The following SPRY3 variants were observed in gnomAD, a reference collection of about 807,000 sequenced individuals.
SPRY3 encodes protein sprouty homolog 3.
A neutral mutation model predicts 20.2 loss-of-function variants in SPRY3; 15 were observed. The observed-to-expected ratio is 0.74, with a 90% CI of 0.50 to 1.14. The LOEUF is 1.14. Among genes scored for constraint, SPRY3 ranks in the 50% most tolerant of loss-of-function variants. The pLI is 0.00. For missense variants in SPRY3, 364 were observed against 363.9 expected (o/e 1.00, Z 0.00); for synonymous variants, 143 against 136.5 (o/e 1.05, Z -0.33).
At chrX:155,770,553 T>A (rs1459843261) in intron 3 of SPRY3, among the ~76,000 whole-genome samples, 1 of 151,922 alleles carries the variant, frequency 6.6e-6, no homozygotes, top group African/African-American at 2.4e-5. Context: ...GTGACAAAAA[T>A]CACTAGATCC....
chrX:155,712,234 A>G (rs1370530425), intron 2 of SPRY3, among the ~76,000 whole-genome samples: 1 of 151,854 alleles, frequency 6.6e-6, no homozygotes, highest in African/African-American at 2.4e-5. Context: ...TAATTAGTCC[A>G]TGTTTCTTTG....
At chrX:155,636,112 G>A (rs2067922489) in intron 1 of SPRY3, among the ~76,000 whole-genome samples, 1 of 111,583 alleles carries the variant, frequency 9.0e-6, no homozygotes, top group Non-Finnish European at 1.9e-5. Flanking sequence ...CTTTAATCGG[G>A]GACACAATGA....
chrX:155,685,523 CTAGTACCCA>C (rs752593707), intron 2 of SPRY3, among the ~76,000 whole-genome samples: 2 of 97,672 alleles, frequency 2.0e-5, no homozygotes, highest in African/African-American at 3.8e-5. Flanking sequence ...GGTATTAAGC[CTAGTACCCA>C]TGAGTTATTT....
chrX:155,692,378 A>C (rs1036551537), intron 2 of SPRY3, among the ~76,000 whole-genome samples: 1 of 111,463 alleles, frequency 9.0e-6, no homozygotes, highest in Non-Finnish European at 1.9e-5. Flanking sequence ...TGAGTCTATT[A>C]TGTTTCAGTG....
At chrX:155,780,367 C>A, downstream of SPRY3, 1 of 166,874 alleles carries the variant, frequency 6.0e-6, no homozygotes, top group East Asian at 1.9e-4. Flanking sequence ...TGGGGTTGAC[C>A]ATATGTGAAC....
intron 1 of SPRY3, among the ~76,000 whole-genome samples, chrX:155,619,250 T>C (rs2067863644): frequency 9.0e-6 from 1 of 111,304 alleles, no homozygotes; most frequent in African/African-American, 3.3e-5. Context: ...TGCCTATAGA[T>C]GTTCAGTTGC....
At chrX:155,727,307 C>A in intron 2 of SPRY3, among the ~76,000 whole-genome samples, 1 of 152,094 alleles carries the variant, frequency 6.6e-6, no homozygotes. Flanking sequence ...CGAGGAGTAT[C>A]TTTGTGGTGT....
chrX:155,621,759 G>T (rs1282163522), intron 1 of SPRY3, among the ~76,000 whole-genome samples: 3 of 111,586 alleles, frequency 2.7e-5, no homozygotes, highest in Non-Finnish European at 5.7e-5. Context: ...AACTTCTCTA[G>T]TATGACTGAC....
intron 1 of SPRY3, among the ~76,000 whole-genome samples, chrX:155,615,752 G>A (rs782639603): frequency 9.0e-6 from 1 of 111,127 alleles, no homozygotes; most frequent in African/African-American, 3.3e-5. Context: ...TTTGTGTTTC[G>A]GTTTATGAAC....
At chrX:155,736,559 C>T (rs2091171001) in intron 2 of SPRY3, among the ~76,000 whole-genome samples, 3 of 151,906 alleles carry the variant, frequency 2.0e-5, no homozygotes, top group South Asian at 4.2e-4. Flanking sequence ...GAAATTCTTA[C>T]CCTTGTTCTT....
intron 2 of SPRY3, among the ~76,000 whole-genome samples, chrX:155,676,075 G>C (rs1284637773): frequency 9.2e-6 from 1 of 108,111 alleles, no homozygotes; most frequent in Non-Finnish European, 1.9e-5. Flanking sequence ...ATTTTTTTTT[G>C]AAATGAAGAA....
intron 2 of SPRY3, among the ~76,000 whole-genome samples, chrX:155,747,065 G>T (rs1431746834): frequency 6.6e-6 from 1 of 151,822 alleles, no homozygotes; most frequent in Non-Finnish European, 1.5e-5. Flanking sequence ...AAGTATCGCA[G>T]AATTTTTCTC....
exon 4 of SPRY3, chrX:155,773,892 T>G (rs1377993378): frequency 1.2e-6 from 2 of 1,613,664 alleles, no homozygotes; most frequent in Non-Finnish European, 8.5e-7. Context: ...CGGTGACAGA[T>G]GATTTTCAAC....
At chrX:155,648,523 C>T (rs1462294918) in intron 1 of SPRY3, among the ~76,000 whole-genome samples, 1 of 112,503 alleles carries the variant, frequency 8.9e-6, no homozygotes, top group Non-Finnish European at 1.9e-5. Flanking sequence ...ATATGGCTAG[C>T]CAGTTTTCCC....
intron 2 of SPRY3, among the ~76,000 whole-genome samples, chrX:155,731,438 G>T (rs1225634059): frequency 6.6e-6 from 1 of 152,024 alleles, no homozygotes; most frequent in Non-Finnish European, 1.5e-5. Flanking sequence ...AAATGATGCT[G>T]GGAAAACTGG....
At chrX:155,630,150 G>T (rs1557350323) in intron 1 of SPRY3, among the ~76,000 whole-genome samples, 1 of 111,752 alleles carries the variant, frequency 8.9e-6, no homozygotes, top group African/African-American at 3.2e-5. Context: ...TGAATTTTTT[G>T]ATGTCACCAT....
intron 1 of SPRY3, among the ~76,000 whole-genome samples, chrX:155,643,650 AC>A (rs1486101528): frequency 1.8e-5 from 2 of 111,217 alleles, no homozygotes; most frequent in African/African-American, 6.5e-5. Flanking sequence ...ATTTGAGGTT[AC>A]CATGAGGCTT....
At chrX:155,658,065 G>C (rs1418579014) in intron 2 of SPRY3, among the ~76,000 whole-genome samples, 1 of 112,361 alleles carries the variant, frequency 8.9e-6, no homozygotes, top group African/African-American at 3.2e-5. Context: ...CTTGCCAGCA[G>C]AATCTACTGT....
exon 4 of SPRY3, chrX:155,773,853 G>A: frequency 6.2e-7 from 1 of 1,607,226 alleles, no homozygotes; most frequent in Non-Finnish European, 8.5e-7. Flanking sequence ...ACCACTCAGA[G>A]CTAAAAAATC....
Sources: gnomAD v4.1 joint callset for allele counts (sites outside exome capture counted in the v4.1 genomes callset) on GRCh38, gnomAD v4.1.1 for gene constraint, MANE v1.5 for transcripts, NCBI Gene and HGNC (gene_info 2026-07-23, HGNC 2026-07-21) for gene names.